TTC28: variants seen among roughly 807,000 people sequenced by gnomAD.
TTC28 encodes tetratricopeptide repeat protein 28.
Under a neutral mutation model 198.0 loss-of-function variants are expected in TTC28, and 61 were observed. That is an observed-to-expected ratio of 0.31 (90% CI 0.25 to 0.38). The LOEUF (loss-of-function observed/expected upper bound fraction) is 0.38. Among genes scored for constraint, TTC28 ranks in the 10% least tolerant of loss-of-function variants. TTC28 has a pLI of 1.00. For synonymous variants in TTC28, 1,171 were observed against 1,297.8 expected (o/e 0.90, Z 2.10); for missense variants, 2,678 against 3,164.0 (o/e 0.85, Z 3.69).
intron 2 of TTC28, among the ~76,000 whole-genome samples, chr22:28,338,253 C>A (rs2045766016): frequency 6.6e-6 from 1 of 152,188 alleles, no homozygotes; most frequent in Admixed American, 6.5e-5. Flanking sequence ...CCCGACCTTT[C>A]TCTCTGGCTG....
At chr22:28,330,219 A>G (rs1416847698) in intron 2 of TTC28, among the ~76,000 whole-genome samples, 1 of 152,198 alleles carries the variant, frequency 6.6e-6, no homozygotes, top group African/African-American at 2.4e-5. Context: ...TATAATATCA[A>G]TGTAGCTAAA....
intron 12 of TTC28, among the ~76,000 whole-genome samples, chr22:28,058,276 C>T (rs1940373798): frequency 6.6e-6 from 1 of 152,078 alleles, no homozygotes; most frequent in African/African-American, 2.4e-5. Flanking sequence ...CTGCAGACCA[C>T]AGTCTCTGAA....
At chr22:28,672,171 C>G (rs2051898030) in intron 1 of TTC28, among the ~76,000 whole-genome samples, 2 of 151,770 alleles carry the variant, frequency 1.3e-5, no homozygotes, top group Admixed American at 1.3e-4. Context: ...GGACTATAGG[C>G]TAATTTTTTG....
Position 28,518,496 on chromosome 22 carries a change from G to A in TTC28, c.381+111056C>T, listed in dbSNP as rs557575889. On this transcript the variant is annotated intron_variant, in intron 2 of 22. Transcript: ENST00000397906. The stretch of plus-strand genomic sequence containing the variant: ...CCAGGGATGGTGGCACACACCTGTA[G>A]TCTCAGCTACTCAGGAAGCTGAAGC... 2.0e-5 allele frequency among the ~76,000 whole-genome samples: 3 copies of A among 152,212 alleles called. No homozygotes were observed. The South Asian group carries it at 6.2e-4, about 32-fold the overall frequency.
rs751128994 is a variant in TTC28, at chr22:27,983,007, G to A, written c.6660C>T (p.Ser2220=). The A allele has an allele frequency of 6.4e-7, 1 of 1,551,694 alleles. No homozygotes were observed. Among genetic ancestry groups the A allele is most frequent in the South Asian group, 1.2e-5 (1 of 84,046 alleles). ...CTGGTGATGGCTGACTCTTCTGATG[G>A]GAGAGAACAGGCCTGCTGAACGCAC... ...ETSAFSRPVL[S]HQKSQPSPVT... Residue 2220 remains serine (S), a synonymous_variant, in exon 23 of 23, where the codon TCC becomes TCT. Transcript: ENST00000397906.
intron 12 of TTC28, among the ~76,000 whole-genome samples, chr22:28,077,637 T>C (rs1941211638): frequency 6.6e-6 from 1 of 152,130 alleles, no homozygotes; most frequent in Admixed American, 6.5e-5. Flanking sequence ...GTCAGCATTA[T>C]AAACAAGTGT....
chr22:28,270,919 A>T (rs1932025178), intron 5 of TTC28, among the ~76,000 whole-genome samples: 1 of 152,164 alleles, frequency 6.6e-6, no homozygotes, highest in Non-Finnish European at 1.5e-5. Context: ...CTTCTATGGG[A>T]TCCATAAACC....
intron 6 of TTC28, among the ~76,000 whole-genome samples, chr22:28,147,187 C>T (rs1156521049): frequency 1.3e-5 from 2 of 152,156 alleles, no homozygotes; most frequent in Admixed American, 6.5e-5. Context: ...AGAAGAATTT[C>T]GGTCGGGAAC....
intron 2 of TTC28, among the ~76,000 whole-genome samples, chr22:28,356,759 G>C (rs1371334127): frequency 6.6e-6 from 1 of 152,198 alleles, no homozygotes; most frequent in Non-Finnish European, 1.5e-5. Flanking sequence ...AGAACCTGTT[G>C]CAAGTAAGTA....
At position 28,473,088 on chromosome 22, in the gene TTC28, G is replaced by A. The variant is rs570725463; in HGVS notation, c.381+156464C>T. The stretch of plus-strand genomic sequence containing the variant: ...AATGCATAATCCAAAAAAATAAAAA[G>A]AGAAGGTGGCTCATAATTATTCTTA... On this transcript the variant is annotated intron_variant, in intron 2 of 22. Transcript: ENST00000397906. Among the ~76,000 whole-genome samples the A allele has an allele frequency of 1.4e-3, 215 of 152,198 alleles. 1 individual carries two copies. Among genetic ancestry groups the A allele is most frequent in the African/African-American group, 3.8e-3 (159 of 41,540 alleles).
At chr22:28,611,931 C>CA (rs1412207967) in intron 2 of TTC28, among the ~76,000 whole-genome samples, 1 of 151,972 alleles carries the variant, frequency 6.6e-6, no homozygotes, top group African/African-American at 2.4e-5. Flanking sequence ...AACTAACGGG[C>CA]AAAATAACCA....
chr22:28,328,492 G>A (rs944679475), intron 2 of TTC28, among the ~76,000 whole-genome samples: 10 of 152,008 alleles, frequency 6.6e-5, no homozygotes, highest in African/African-American at 2.2e-4. Flanking sequence ...GATGGCTCAC[G>A]TCTGTAATCC....
rs111864060 is a variant in TTC28, at chr22:28,084,721, G to C, written c.3932+9359C>G. ...GAAGATCAAACTGCTCTGAGCTAAA[G>C]AAGGAAGTTCGAACCAATGGCAAAG... On this transcript the variant is annotated intron_variant, in intron 12 of 22. Transcript: ENST00000397906. Among the ~76,000 whole-genome samples, 1,064 of 151,668 alleles carry C rather than the reference G, an allele frequency of 7.0e-3. 13 individuals carry two copies. Among genetic ancestry groups the C allele is most frequent in the South Asian group, 0.03 (143 of 4,812 alleles).
chr22:28,473,602 T>C (rs2048125972), intron 2 of TTC28, among the ~76,000 whole-genome samples: 3 of 152,200 alleles, frequency 2.0e-5, no homozygotes, highest in African/African-American at 7.2e-5. Context: ...GGACTGCCAC[T>C]GAGCTGCTAC....
At chr22:28,168,620 T>C (rs574757501) in intron 5 of TTC28, among the ~76,000 whole-genome samples, 103 of 152,284 alleles carry the variant, frequency 6.8e-4, no homozygotes, top group Non-Finnish European at 1.3e-3. Flanking sequence ...GCTAGCCATA[T>C]GTAGAAAGCT....
chr22:28,092,497 C>G (rs928026425), intron 12 of TTC28, among the ~76,000 whole-genome samples: 1 of 152,182 alleles, frequency 6.6e-6, no homozygotes, highest in African/African-American at 2.4e-5. Context: ...GATTCTCTCT[C>G]CCTTTCATAG....
intron 2 of TTC28, among the ~76,000 whole-genome samples, chr22:28,353,273 A>T (rs1040666954): frequency 1.3e-5 from 2 of 152,196 alleles, no homozygotes; most frequent in African/African-American, 4.8e-5. Context: ...ACTACTCACA[A>T]ATTTTTTCAA....
intron 2 of TTC28, among the ~76,000 whole-genome samples, chr22:28,602,812 T>C (rs1361160102): frequency 6.6e-6 from 1 of 152,220 alleles, no homozygotes; most frequent in African/African-American, 2.4e-5. Context: ...ATAAATGACA[T>C]GCTTTAGCAA....
intron 2 of TTC28, among the ~76,000 whole-genome samples, chr22:28,390,734 T>C (rs942891057): frequency 1.3e-5 from 2 of 152,208 alleles, no homozygotes; most frequent in African/African-American, 4.8e-5. Flanking sequence ...AGCCTATGTG[T>C]GTCTCTGCAT....
Sources: allele counts gnomAD v4.1 joint callset (sites outside exome capture counted in the v4.1 genomes callset), GRCh38; gene constraint gnomAD v4.1.1; transcripts MANE v1.5; gene names NCBI Gene and HGNC (gene_info 2026-07-23, HGNC 2026-07-21).